NR3C1: variants seen among roughly 807,000 people sequenced by gnomAD.
NR3C1 encodes glucocorticoid receptor.
A neutral mutation model predicts 74.0 loss-of-function variants in NR3C1; 14 were observed. The ratio of observed to expected loss-of-function variants is 0.19; its 90% CI spans 0.12 to 0.30. The LOEUF (loss-of-function observed/expected upper bound fraction) is 0.30, where lower values mean the gene tolerates loss of function less well. Among genes scored for constraint, NR3C1 ranks in the 10% least tolerant of loss-of-function variants. NR3C1 has a pLI of 1.00. For missense variants in NR3C1, 695 were observed against 909.8 expected, an observed-to-expected ratio of 0.76 and a Z score of 3.04; for synonymous variants, 308 against 332.5, an observed-to-expected ratio of 0.93 and a Z score of 0.80.
At chr5:143,292,866 A>T (rs1816263186) in intron 7 of NR3C1, among the ~76,000 whole-genome samples, 1 of 152,136 alleles carries the variant, frequency 6.6e-6, no homozygotes, top group African/African-American at 2.4e-5. Context: ...TAGATTTTGA[A>T]GTGGTGGTTT....
rs1213674903 is a variant in NR3C1, at chr5:143,279,331, AT to A, written c.*2557del. On this transcript the variant is annotated 3_prime_UTR_variant, in exon 9 of 9. Coordinates refer to ENST00000394464, the MANE Select transcript of NR3C1 (RefSeq NM_000176.3). ...AATCTTCTTTTTCTCATTGAGTTCT[AT>A]TTTTTGAGCGCCAAGATTGTTGGGA... The A allele has an allele frequency of 1.9e-6, 3 of 1,541,922 alleles. No individual in the cohort carries two copies. The highest frequency in any genetic ancestry group is 2.5e-5 in the South Asian group (2 of 80,312).
chr5:143,311,519 G>C (rs1439980562), intron 3 of NR3C1, among the ~76,000 whole-genome samples: 1 of 152,134 alleles, frequency 6.6e-6, no homozygotes, highest in East Asian at 1.9e-4. Context: ...CATGAAGTTG[G>C]ACAAGTCTAT....
chr5:143,317,422 A>G (rs773003461), intron 2 of NR3C1, among the ~76,000 whole-genome samples: 9 of 152,162 alleles, frequency 5.9e-5, no homozygotes, highest in Non-Finnish European at 7.3e-5. Context: ...GTGTTCACTC[A>G]CAGCTGTGCC....
At chr5:143,407,530 C>G (rs1318367321), upstream of NR3C1, 1 of 152,214 alleles carries the variant, frequency 6.6e-6, no homozygotes, top group African/African-American at 2.4e-5. Flanking sequence ...AACATAAGTT[C>G]TGCAAAGGCA....
chr5:143,283,395 T>C (rs902617667), intron 7 of NR3C1, among the ~76,000 whole-genome samples: 4 of 152,218 alleles, frequency 2.6e-5, no homozygotes, highest in African/African-American at 4.8e-5. Context: ...TTCTCCTCCT[T>C]AGCTCACAAA....
At chr5:143,396,828 T>C (rs1048113415) in intron 2 of NR3C1, among the ~76,000 whole-genome samples, 2 of 151,772 alleles carry the variant, frequency 1.3e-5, no homozygotes, top group Non-Finnish European at 3.0e-5. Context: ...AAAGCTCTAA[T>C]ACCACCTAAA....
intron 2 of NR3C1, among the ~76,000 whole-genome samples, chr5:143,351,746 T>C (rs1830262461): frequency 6.6e-6 from 1 of 152,214 alleles, no homozygotes; most frequent in Non-Finnish European, 1.5e-5. Flanking sequence ...AAAAAATTTA[T>C]AAAGATATAA....
intron 2 of NR3C1, among the ~76,000 whole-genome samples, chr5:143,325,119 T>C (rs1306493581): frequency 6.6e-6 from 1 of 152,226 alleles, no homozygotes; most frequent in East Asian, 1.9e-4. Flanking sequence ...ACACCCACTC[T>C]ACTGGTACCA....
intron 1 of NR3C1, among the ~76,000 whole-genome samples, chr5:143,422,171 T>C (rs764559473): frequency 3.9e-5 from 6 of 152,204 alleles, no homozygotes; most frequent in African/African-American, 7.2e-5. Flanking sequence ...TAGAGTTTTA[T>C]TTGGCTATTT....
In NR3C1 at chr5:143,281,267, G is replaced by A. The variant is rs905463197; in HGVS notation, c.*622C>T. The A allele has an allele frequency of 6.6e-6, 1 of 152,420 alleles. No homozygotes were observed. Among genetic ancestry groups the A allele is most frequent in the East Asian group, 1.9e-4 (1 of 5,182 alleles). 9.4% of individuals were successfully genotyped at this position (152,420 alleles called of 1,614,324 possible). ...TTTAGAGTTTATTTGGGAAAGCTAC[G>A]AACTAGCTGCCCATCTTAAACAGCT... is the stretch of plus-strand genomic sequence containing the variant. On this transcript the variant is annotated 3_prime_UTR_variant, in exon 9 of 9. Coordinates refer to ENST00000394464, the MANE Select transcript of NR3C1 (RefSeq NM_000176.3).
intron 4 of NR3C1, among the ~76,000 whole-genome samples, chr5:143,302,334 TAG>T (rs1309874709): frequency 1.3e-5 from 2 of 152,110 alleles, no homozygotes; most frequent in Non-Finnish European, 2.9e-5. Flanking sequence ...CACAACTTAA[TAG>T]AGGAGTGATA....
chr5:143,435,076 A>G, exon 1 of NR3C1: 1 of 985,466 alleles, frequency 1.0e-6, no homozygotes, highest in Non-Finnish European at 1.2e-6. Flanking sequence ...GGAAACCAAC[A>G]TGTGAGGTCT....
At chr5:143,381,007 T>G (rs1420140894) in intron 2 of NR3C1, among the ~76,000 whole-genome samples, 1 of 152,152 alleles carries the variant, frequency 6.6e-6, no homozygotes, top group Non-Finnish European at 1.5e-5. Context: ...GAAGTCAAAT[T>G]ATTCTTGTTT....
intron 7 of NR3C1, chr5:143,294,072 T>A (rs750379389): frequency 1.0e-5 from 10 of 983,420 alleles, no homozygotes; most frequent in Non-Finnish European, 1.1e-5. Context: ...TTAATACTTC[T>A]TATATCCATT....
In NR3C1 at chr5:143,416,242, G is replaced by A. The variant is rs146766216; in HGVS notation, c.-13-15390C>T. Among the ~76,000 whole-genome samples the A allele has an allele frequency of 2.6e-4, 40 of 152,204 alleles. 1 individual carries two copies. The East Asian group carries it at 6.8e-3, about 26-fold the overall frequency. On this transcript the variant is annotated intron_variant, in intron 1 of 8. Coordinates refer to the NR3C1 transcript ENST00000343796. ...TCCTTTCCCTAACTTTGGTCCATGC[G>A]CTTATGGTGGTATTAACCCATCTGT...
At position 143,393,032 on chromosome 5, in the gene NR3C1, T is replaced by C. The variant is rs149674773; in HGVS notation, c.1184+6624A>G. Among the ~76,000 whole-genome samples, 840 of 152,196 alleles carry C rather than the reference T, an allele frequency of 5.5e-3. 5 individuals are homozygous for C. The highest frequency in any genetic ancestry group is 6.9e-3 in the Non-Finnish European group (469 of 67,976). ...TTTCTCATTCGAAAAAATTAGGGGGTAGAATTAGGGAAACTCTCAAGTTCT... is the reference window on the plus strand; with the variant it reads ...TTTCTCATTCGAAAAAATTAGGGGGCAGAATTAGGGAAACTCTCAAGTTCT... On this transcript the variant is annotated intron_variant, in intron 2 of 8. Transcript: ENST00000394464.
intron 8 of NR3C1, 72 bp from the exon 9 acceptor site, chr5:143,282,113 C>T (rs1213221366): frequency 1.3e-6 from 2 of 1,549,310 alleles, no homozygotes; most frequent in African/African-American, 2.7e-5. Flanking sequence ...TTGTTGTCCT[C>T]TATTTTGAAA....
chr5:143,298,945 A>G (rs1375840329), intron 5 of NR3C1, 133 bp from the exon 6 acceptor site: 6 of 766,816 alleles, frequency 7.8e-6, no homozygotes, highest in Non-Finnish European at 1.3e-5. Flanking sequence ...GAAATTAAAT[A>G]CTAGGTAGAC....
In NR3C1 at chr5:143,403,216, GC is replaced by G; in HGVS notation, c.-20del. 7 of 985,374 alleles carry G rather than the reference GC, an allele frequency of 7.1e-6. No individual in the cohort carries two copies. The highest frequency in any genetic ancestry group is 8.4e-6 in the Non-Finnish European group (7 of 830,024). The allele number at this position is 985,374 out of a possible 1,614,324, so 61.0% of individuals were successfully genotyped here. A position where few individuals can be genotyped will look rare whatever the true frequency, so the allele number is the denominator to read the frequency against. On this transcript the variant is annotated 5_prime_UTR_variant, in exon 1 of 9. It removes the in-frame stop codon of an upstream open reading frame in the 5' UTR. Transcript: ENST00000394464. Reference sequence around the variant, plus strand: ...CCTCCCGCCTCGCTTCTTACCTCTGGCAGAGGAGCCGCTCGCCCGCCACCGT... The same window carrying G: ...CCTCCCGCCTCGCTTCTTACCTCTGGAGAGGAGCCGCTCGCCCGCCACCGT...
Sources: gnomAD v4.1 joint callset for allele counts (sites outside exome capture counted in the v4.1 genomes callset) on GRCh38, gnomAD v4.1.1 for gene constraint, MANE v1.5 for transcripts, NCBI Gene and HGNC (gene_info 2026-07-23, HGNC 2026-07-21) for gene names.